Variants in NTRK2 observed in about 807,000 individuals in gnomAD.
NTRK2 encodes the protein BDNF/NT-3 growth factors receptor.
In NTRK2, 13 loss-of-function variants were observed where a neutral mutation model predicts 94.5. The ratio of observed to expected loss-of-function variants is 0.14; its 90% CI spans 0.09 to 0.22. The LOEUF (loss-of-function observed/expected upper bound fraction) is 0.22. NTRK2 is among the 10% of genes least tolerant of loss of function. The probability of loss-of-function intolerance (pLI) is 1.00; values close to 1 mark genes in which losing one functional copy is unlikely to be tolerated. For missense variants in NTRK2, 639 were observed against 1,071.2 expected, an observed-to-expected ratio of 0.60 and a Z score of 5.63; for synonymous variants, 372 against 407.4, an observed-to-expected ratio of 0.91 and a Z score of 1.05.
chr9:84,944,170 C>T lies in NTRK2; in HGVS notation c.1765-4292C>T, dbSNP rs570498303. 4.1e-5 allele frequency among the ~76,000 whole-genome samples: 6 copies of T among 145,998 alleles called. No individual in the cohort carries two copies. The South Asian group carries it at 8.8e-4, about 22-fold the overall frequency. ...ATGCTTCTTAACTCTTTCAGGTTGG[C>T]GTTTCAAAAAAGAAAAGCTTGTTCT... is the stretch of plus-strand genomic sequence containing the variant. On this transcript the variant is annotated intron_variant, in intron 15 of 18. Transcript: ENST00000277120.
intron 12 of NTRK2, among the ~76,000 whole-genome samples, chr9:84,840,889 C>T (rs1257081737): frequency 6.6e-6 from 1 of 152,182 alleles, no homozygotes; most frequent in Non-Finnish European, 1.5e-5. Context: ...TCTTATCCTA[C>T]TTGGCCTGTT....
chr9:84,749,003 C>T (rs1222227991), intron 11 of NTRK2, among the ~76,000 whole-genome samples: 2 of 151,988 alleles, frequency 1.3e-5, no homozygotes, highest in East Asian at 1.9e-4. Flanking sequence ...CTGAGGCAGG[C>T]GGATCACCTG....
At chr9:84,768,718 A>G (rs1387624338) in intron 12 of NTRK2, among the ~76,000 whole-genome samples, 5 of 152,132 alleles carry the variant, frequency 3.3e-5, no homozygotes, top group African/African-American at 1.2e-4. Context: ...CTATTGCAAT[A>G]TGGAAAAAGA....
intron 12 of NTRK2, among the ~76,000 whole-genome samples, chr9:84,779,087 T>C (rs2067318077): frequency 6.6e-6 from 1 of 152,194 alleles, no homozygotes; most frequent in Non-Finnish European, 1.5e-5. Context: ...TTCAATTACT[T>C]ATTTATCAGA....
At chr9:84,923,901 C>T (rs2077651447) in intron 14 of NTRK2, among the ~76,000 whole-genome samples, 1 of 148,470 alleles carries the variant, frequency 6.7e-6, no homozygotes, top group Non-Finnish European at 1.5e-5. Context: ...GAGACTCCAT[C>T]TCAAAAAAAA....
At chr9:84,997,076 AGCATGCATACCTTTTACAGTCCTT>A (rs1476187010) in intron 17 of NTRK2, among the ~76,000 whole-genome samples, 3 of 152,166 alleles carry the variant, frequency 2.0e-5, no homozygotes, top group South Asian at 2.1e-4. Context: ...GTGGAGGCAA[AGCATGCATACCTTTTACAGTCCTT>A]GTAAAGCCAG....
At chr9:85,006,821 C>T (rs1300184972) in intron 17 of NTRK2, among the ~76,000 whole-genome samples, 1 of 152,224 alleles carries the variant, frequency 6.6e-6, no homozygotes, top group Non-Finnish European at 1.5e-5. Flanking sequence ...AGGTGTCCTT[C>T]TCTAAAGCAG....
chr9:84,770,450 C>G (rs2066444600), intron 12 of NTRK2, among the ~76,000 whole-genome samples: 1 of 152,158 alleles, frequency 6.6e-6, no homozygotes, highest in African/African-American at 2.4e-5. Flanking sequence ...TCTTCCTCCC[C>G]TCCCTGTTCC....
intron 2 of NTRK2, among the ~76,000 whole-genome samples, chr9:84,686,629 G>A (rs2059731628): frequency 1.3e-5 from 2 of 152,184 alleles, no homozygotes; most frequent in African/African-American, 2.4e-5. Flanking sequence ...GCAAACATCA[G>A]GAGTATAAAA....
intron 17 of NTRK2, among the ~76,000 whole-genome samples, chr9:85,000,128 A>G (rs1830172894): frequency 6.6e-6 from 1 of 152,142 alleles, no homozygotes; most frequent in African/African-American, 2.4e-5. Flanking sequence ...GCAAAGTGGA[A>G]CAGAAAGTGG....
At chr9:84,949,291 A>G (rs1384649295) in intron 16 of NTRK2, among the ~76,000 whole-genome samples, 1 of 152,178 alleles carries the variant, frequency 6.6e-6, no homozygotes, top group Non-Finnish European at 1.5e-5. Context: ...GGTCATGAAA[A>G]GATGGACAGC....
chr9:84,868,455 T>G (rs1387824005), intron 14 of NTRK2, among the ~76,000 whole-genome samples: 1 of 152,092 alleles, frequency 6.6e-6, no homozygotes, highest in African/African-American at 2.4e-5. Flanking sequence ...CTCAAATTTA[T>G]CCCAAGGCAT....
At position 84,730,649 on chromosome 9, in the gene NTRK2, G is replaced by T. The variant is rs1005940776; in HGVS notation, c.1159+2690G>T. Among the ~76,000 whole-genome samples the T allele has an allele frequency of 9.8e-5, 13 of 132,592 alleles. 1 individual carries two copies. The highest frequency in any genetic ancestry group is 4.3e-4 in the African/African-American group (13 of 30,448). The allele number at this position is 132,592 out of a possible 152,430, so 87.0% of individuals were successfully genotyped here. A position where few individuals can be genotyped will look rare whatever the true frequency, so the allele number is the denominator to read the frequency against. On this transcript the variant is annotated intron_variant, in intron 9 of 18. Transcript: ENST00000277120. ...CAGCTACTCGGGGAGGCTGAGGCAGGAGAATGGCGTGAACCCGGGAGGCGG... is the reference window on the plus strand; with the variant it reads ...CAGCTACTCGGGGAGGCTGAGGCAGTAGAATGGCGTGAACCCGGGAGGCGG...
chr9:84,880,327 G>T (rs1051115531), intron 14 of NTRK2, among the ~76,000 whole-genome samples: 1 of 152,176 alleles, frequency 6.6e-6, no homozygotes, highest in African/African-American at 2.4e-5. Flanking sequence ...CAGCTCCTGG[G>T]CAGGGTCACC....
rs139145527 is a variant in NTRK2, at chr9:85,017,504, T to G, written c.2173-2702T>G. ...TGCTAGATTAACACACCTCAAAGTG[T>G]ATTTTTAGCTGTCTTACCTGAGACA... On this transcript the variant is annotated intron_variant, in intron 17 of 18. Transcript: ENST00000277120. 3.7e-4 allele frequency among the ~76,000 whole-genome samples: 56 copies of G among 152,324 alleles called. 2 individuals carry two copies. In the East Asian group the frequency reaches 0.01, roughly 28 times the overall value.
chr9:84,813,481 C>T lies in NTRK2; in HGVS notation c.1397-47559C>T, dbSNP rs1253641771. ...TTCTCTCACGGTATCCTTCTGTCTTCCCGTTGCAAATTCACTTTTCTTTCT... is the reference window on the plus strand; with the variant it reads ...TTCTCTCACGGTATCCTTCTGTCTTTCCGTTGCAAATTCACTTTTCTTTCT... On this transcript the variant is annotated intron_variant, in intron 12 of 18. Coordinates refer to ENST00000277120, the MANE Select transcript of NTRK2 (RefSeq NM_006180.6). 5.5e-5 allele frequency: 59 copies of T among 1,065,198 alleles called. No individual in the cohort carries two copies. In the South Asian group the frequency reaches 2.5e-3, roughly 44 times the overall value. 66.0% of individuals were successfully genotyped at this position (1,065,198 alleles called of 1,614,324 possible).
At chr9:84,683,598 C>A (rs2059524843) in intron 2 of NTRK2, among the ~76,000 whole-genome samples, 1 of 152,092 alleles carries the variant, frequency 6.6e-6, no homozygotes, top group African/African-American at 2.4e-5. Context: ...CATTGATGGG[C>A]ATTTTGGTTG....
chr9:84,924,181 C>T (rs1319415965), intron 14 of NTRK2, among the ~76,000 whole-genome samples: 1 of 150,330 alleles, frequency 6.7e-6, no homozygotes, highest in Non-Finnish European at 1.5e-5. Context: ...CACTGCACTG[C>T]ACTCCAGCCT....
intron 6 of NTRK2, among the ~76,000 whole-genome samples, chr9:84,721,108 TAAAG>T (rs1412697649): frequency 6.6e-6 from 1 of 152,066 alleles, no homozygotes; most frequent in East Asian, 1.9e-4. Context: ...TTTGATGAAA[TAAAG>T]TAAGTATTGC....
Sources: allele counts gnomAD v4.1 joint callset (sites outside exome capture counted in the v4.1 genomes callset), GRCh38; gene constraint gnomAD v4.1.1; transcripts MANE v1.5; gene names NCBI Gene and HGNC (gene_info 2026-07-23, HGNC 2026-07-21).